NEK1: variants seen among roughly 807,000 people sequenced by gnomAD.
The protein encoded by NEK1 is NIMA related kinase 1, also known as serine/threonine-protein kinase Nek1.
In NEK1, 137 loss-of-function variants were observed where a neutral mutation model predicts 182.1. The ratio of observed to expected loss-of-function variants is 0.75; its 90% CI spans 0.65 to 0.87. NEK1 has a LOEUF of 0.87. NEK1 is among the 40% of genes least tolerant of loss of function. NEK1 has a pLI of 0.00. For synonymous variants in NEK1, 513 were observed against 492.2 expected, an observed-to-expected ratio of 1.04 and a Z score of -0.56; for missense variants, 1,391 against 1,494.4, an observed-to-expected ratio of 0.93 and a Z score of 1.14.
intron 18 of NEK1, chr4:169,555,132 T>C (rs1259072314): frequency 3.3e-5 from 5 of 152,726 alleles, no homozygotes; most frequent in African/African-American, 1.2e-4. Flanking sequence ...GGCTTCTGTA[T>C]ATAATTTATA....
chr4:169,507,182 G>GGT, intron 22 of NEK1, 50 bp from the exon 23 acceptor site: 1 of 853,058 alleles, frequency 1.2e-6, no homozygotes. Context: ...GAAGGGCAGA[G>GGT]GTTTTTTTTT....
intron 27 of NEK1, among the ~76,000 whole-genome samples, chr4:169,441,456 G>A (rs1430424991): frequency 6.6e-6 from 1 of 152,206 alleles, no homozygotes; most frequent in African/African-American, 2.4e-5. Flanking sequence ...GCTGATGCAG[G>A]TGCCTGCACA....
At chr4:169,409,302 G>A (rs546172075) in intron 31 of NEK1, among the ~76,000 whole-genome samples, 4 of 151,840 alleles carry the variant, frequency 2.6e-5, no homozygotes, top group Non-Finnish European at 5.9e-5. Flanking sequence ...CCTACACCAC[G>A]CCCAGCTAAT....
intron 12 of NEK1, among the ~76,000 whole-genome samples, chr4:169,568,794 G>A (rs571257531): frequency 1.9e-4 from 29 of 151,978 alleles, no homozygotes; most frequent in East Asian, 7.7e-4. Context: ...AAAATTAGCC[G>A]GGCATGGTGG....
At chr4:169,505,047 T>A (rs1469292661) in intron 23 of NEK1, among the ~76,000 whole-genome samples, 2 of 152,068 alleles carry the variant, frequency 1.3e-5, no homozygotes, top group Non-Finnish European at 2.9e-5. Context: ...AAATTTTTTT[T>A]AAGGCACAAC....
chr4:169,416,418 T>C (rs1245094100), intron 31 of NEK1, among the ~76,000 whole-genome samples: 2 of 152,234 alleles, frequency 1.3e-5, no homozygotes. Flanking sequence ...TACAACAGCA[T>C]CCTCAAGGTA....
chr4:169,609,791 T>C (rs911165606), intron 2 of NEK1, among the ~76,000 whole-genome samples: 2 of 152,170 alleles, frequency 1.3e-5, no homozygotes, highest in African/African-American at 4.8e-5. Context: ...AAACAATAAA[T>C]ATTAAAACAA....
intron 9 of NEK1, among the ~76,000 whole-genome samples, 183 bp downstream of exon 9, chr4:169,587,376 T>C (rs574473571): frequency 2.0e-5 from 3 of 151,990 alleles, no homozygotes; most frequent in Admixed American, 2.0e-4. Context: ...ATATACCAGA[T>C]ATGCATATAT....
At chr4:169,506,973 C>A in intron 23 of NEK1, 64 bp downstream of exon 23, 3 of 1,032,640 alleles carry the variant, frequency 2.9e-6, no homozygotes, top group Non-Finnish European at 2.8e-6. Context: ...TACTGATGTA[C>A]TACCCAGGAA....
intron 12 of NEK1, among the ~76,000 whole-genome samples, chr4:169,562,709 T>C (rs1345768178): frequency 1.3e-5 from 2 of 152,194 alleles, no homozygotes; most frequent in South Asian, 2.1e-4. Context: ...ATTTTAGCTA[T>C]GATTTTTACA....
chr4:169,450,209 T>C (rs537090121), intron 27 of NEK1, among the ~76,000 whole-genome samples: 1 of 152,312 alleles, frequency 6.6e-6, no homozygotes, highest in South Asian at 2.1e-4. Flanking sequence ...CTGATTGGTG[T>C]ACCTGAAAGT....
At chr4:169,451,285 C>A (rs891499677) in intron 27 of NEK1, among the ~76,000 whole-genome samples, 3 of 152,112 alleles carry the variant, frequency 2.0e-5, no homozygotes, top group Admixed American at 1.3e-4. Context: ...AATAAGCAGA[C>A]CTAATAGACA....
chr4:169,477,692 TAGAC>T (rs1474390586), intron 24 of NEK1, among the ~76,000 whole-genome samples, 195 bp from the exon 25 acceptor site: 2 of 151,698 alleles, frequency 1.3e-5, no homozygotes, highest in East Asian at 1.9e-4. Context: ...TTAGACAACA[TAGAC>T]AGGGGCCAAT....
intron 23 of NEK1, chr4:169,506,583 T>C (rs1011845114): frequency 2.0e-5 from 3 of 152,348 alleles, no homozygotes; most frequent in African/African-American, 7.3e-5. Flanking sequence ...TGAAACCCTG[T>C]CTCTACTAAA....
chr4:169,602,098 T>A lies in NEK1; in HGVS notation c.124A>T (p.Ser42Cys), dbSNP rs941024976. The part of the protein sequence containing the change: ...IKEINISRMS[S>C]KEREESRREV... Reference sequence around the variant, plus strand: ...CTCCTTGATTCTTCTCTTTCTTTACTGGACATCTTAAATGGGAGGAAAAAG... The same window carrying A: ...CTCCTTGATTCTTCTCTTTCTTTACAGGACATCTTAAATGGGAGGAAAAAG... Residue 42 changes from serine to cysteine, a missense_variant, in exon 4 of 36, where the codon AGT (serine) becomes TGT (cysteine). Physicochemically the swap from Ser to Cys is moderately radical, Grantham distance 112. This residue lies in a region of NEK1 where 42 missense variants were observed against 47.9 expected (regional missense o/e 0.88). Coordinates refer to ENST00000507142, the MANE Select transcript of NEK1 (RefSeq NM_001199397.3). The A allele has an allele frequency of 6.2e-7, 1 of 1,610,406 alleles. No homozygotes were observed. Among genetic ancestry groups the A allele is most frequent in the African/African-American group, 1.3e-5 (1 of 74,832 alleles).
rs1226404048 is a variant in NEK1, at chr4:169,424,621, T to C, written c.3154A>G (p.Lys1052Glu). 1.2e-6 allele frequency: 2 copies of C among 1,613,170 alleles called. No individual in the cohort carries two copies. The highest frequency in any genetic ancestry group is 1.7e-6 in the Non-Finnish European group (2 of 1,179,308). Residue 1052 changes from lysine to glutamate, a missense_variant, in exon 31 of 36, where the codon AAA becomes GAA. Physicochemically the swap from Lys to Glu is moderately conservative, Grantham distance 56. Coordinates refer to ENST00000507142, the MANE Select transcript of NEK1 (RefSeq NM_001199397.3). ...AGCAAGGAATTCTTGTTTTTATTTT[T>C]TGGTGGTAAATGCGAGTGAGATCGA... ...AFRSHSHLPP[K>E]NKNKNSLLIG...
At chr4:169,448,250 T>C (rs1431940904) in intron 27 of NEK1, among the ~76,000 whole-genome samples, 1 of 152,018 alleles carries the variant, frequency 6.6e-6, no homozygotes, top group Admixed American at 6.6e-5. Flanking sequence ...TTACAACTTT[T>C]TGAGAGACAA....
chr4:169,509,452 A>G (rs1002408412), intron 19 of NEK1, among the ~76,000 whole-genome samples: 2 of 152,164 alleles, frequency 1.3e-5, no homozygotes, highest in African/African-American at 4.8e-5. Context: ...CTCCCTTAAA[A>G]AAAACTCTTT....
intron 12 of NEK1, among the ~76,000 whole-genome samples, chr4:169,569,405 C>G (rs556051430): frequency 6.6e-6 from 1 of 152,004 alleles, no homozygotes; most frequent in South Asian, 2.1e-4. Flanking sequence ...TGCTTTTAAA[C>G]ATTAAGAATA....
Sources: allele counts gnomAD v4.1 joint callset (sites outside exome capture counted in the v4.1 genomes callset), GRCh38; gene constraint gnomAD v4.1.1; regional missense constraint gnomAD v4.1.1; transcripts MANE v1.5; gene names NCBI Gene and HGNC (gene_info 2026-07-23, HGNC 2026-07-21).